The following SLC35E2B variants were observed in gnomAD, a reference collection of about 807,000 sequenced individuals.
The protein encoded by SLC35E2B is solute carrier family 35 member E2B.
In SLC35E2B, 18 loss-of-function variants were observed where a neutral mutation model predicts 32.4. That is an observed-to-expected ratio of 0.56 (90% CI 0.38 to 0.82). SLC35E2B has a LOEUF of 0.82. SLC35E2B is among the 40% of genes least tolerant of loss of function. The pLI, the probability that SLC35E2B is intolerant of heterozygous loss-of-function variation, is 0.00. For synonymous variants in SLC35E2B, 132 were observed against 209.1 expected (o/e 0.63, Z 3.18); for missense variants, 263 against 469.5 (o/e 0.56, Z 4.06).
In SLC35E2B at chr1:1,671,414, G is replaced by A. The variant is rs79690428; in HGVS notation, c.707+95C>T. On this transcript the variant is annotated intron_variant, in intron 6 of 9. Transcript: ENST00000617444. ...ATTGGACGCACCTGCTTTGGCTCAC[G>A]GGAGGAATTCTCAGCTCACCTGAGA... 2.1e-3 allele frequency: 2,625 copies of A among 1,277,344 alleles called. 56 individuals are homozygous for A. In the East Asian group the frequency reaches 0.037, roughly 18 times the overall value. 79.1% of individuals were successfully genotyped at this position (1,277,344 alleles called of 1,614,324 possible). A position where few individuals can be genotyped will look rare whatever the true frequency, so the allele number is the denominator to read the frequency against.
In SLC35E2B at chr1:1,662,686, C is replaced by A. The variant is rs1223289042; in HGVS notation, c.*3096G>T. On this transcript the variant is annotated 3_prime_UTR_variant, in exon 10 of 10. Transcript: ENST00000617444. ...GGACTCTCGGATTTTCTTTTTTAACCTTTTTATGCCTTTCAGTAGGGGAAG... is the reference window on the plus strand; with the variant it reads ...GGACTCTCGGATTTTCTTTTTTAACATTTTTATGCCTTTCAGTAGGGGAAG... The A allele has an allele frequency of 7.6e-5, 55 of 720,930 alleles. 6 individuals are homozygous for A. The highest frequency in any genetic ancestry group is 9.0e-5 in the Non-Finnish European group (53 of 585,904). The allele number at this position is 720,930 out of a possible 1,614,324, so 44.7% of individuals were successfully genotyped here. A position where few individuals can be genotyped will look rare whatever the true frequency, so the allele number is the denominator to read the frequency against.
intron 2 of SLC35E2B, among the ~76,000 whole-genome samples, chr1:1,685,288 C>T (rs750685660): frequency 4.0e-5 from 6 of 150,994 alleles, no homozygotes; most frequent in South Asian, 4.2e-4. Context: ...GGCCTGGGCA[C>T]GGTGGTGTGC....
chr1:1,670,188 T>A, intron 6 of SLC35E2B, 37 bp from the exon 7 acceptor site: 1 of 1,447,920 alleles, frequency 6.9e-7, no homozygotes, highest in Non-Finnish European at 9.5e-7. Flanking sequence ...TCAATACTAG[T>A]CCTCGGCACG....
At chr1:1,675,127 C>A (rs1052045665) in intron 5 of SLC35E2B, among the ~76,000 whole-genome samples, 7 of 150,338 alleles carry the variant, frequency 4.7e-5, no homozygotes, top group African/African-American at 1.7e-4. Flanking sequence ...CCGAAGGCGG[C>A]CCCCACCCGT....
chr1:1,690,299 C>CAA (rs201505712), intron 2 of SLC35E2B, among the ~76,000 whole-genome samples: 2 of 87,904 alleles, frequency 2.3e-5, no homozygotes, highest in Non-Finnish European at 5.2e-5. Flanking sequence ...AAAAAAGAAA[C>CAA]AAAAAAAAAT....
Position 1,675,500 on chromosome 1 carries a change from C to A in SLC35E2B, c.549G>T (p.Thr183=), listed in dbSNP as rs763820450. ...ETVKSSAPIF[T]VIMSRMILGE... ...CCAGAATCATCCGAGACATGATCAC[C>A]GTGAAGATGGGGGCGGAGCTCTTCA... The change falls in exon 5 of 10, where the codon ACG becomes ACT. Residue 183 remains threonine (T), a synonymous_variant. Transcript: ENST00000617444. 6.2e-7 allele frequency: 1 copy of A among 1,602,262 alleles called. No homozygotes were observed. The highest frequency in any genetic ancestry group is 1.1e-5 in the South Asian group (1 of 89,676).
At chr1:1,675,014 G>A (rs1235670599) in intron 5 of SLC35E2B, among the ~76,000 whole-genome samples, 1 of 151,766 alleles carries the variant, frequency 6.6e-6, no homozygotes, top group Non-Finnish European at 1.5e-5. Flanking sequence ...GTCAGGGGCT[G>A]GGGCCCAGGA....
At position 1,664,948 on chromosome 1, in the gene SLC35E2B, A is replaced by G. The variant is rs1288062387; in HGVS notation, c.*834T>C. ...CTCATACTCAGAGTCCAAAAAAGAA[A>G]AGGAACGTACACATCTCCTCCCAAG... On this transcript the variant is annotated 3_prime_UTR_variant, in exon 10 of 10. Transcript: ENST00000617444. The G allele has an allele frequency of 1.0e-6, 1 of 960,086 alleles. No individual in the cohort carries two copies. The highest frequency in any genetic ancestry group is 1.2e-6 in the Non-Finnish European group (1 of 808,016). The allele number at this position is 960,086 out of a possible 1,614,324, so 59.5% of individuals were successfully genotyped here. A position where few individuals can be genotyped will look rare whatever the true frequency, so the allele number is the denominator to read the frequency against.
intron 2 of SLC35E2B, among the ~76,000 whole-genome samples, chr1:1,680,269 C>T (rs949909172): frequency 3.3e-5 from 5 of 151,878 alleles, no homozygotes; most frequent in Non-Finnish European, 7.4e-5. Flanking sequence ...CCACTGAACT[C>T]CAGCCTGGGC....
chr1:1,668,645 GT>G lies in SLC35E2B; in HGVS notation c.835-174del, dbSNP rs76577145. 3.4e-3 allele frequency among the ~76,000 whole-genome samples: 523 copies of G among 152,038 alleles called. 4 individuals carry two copies. Among genetic ancestry groups the G allele is most frequent in the Non-Finnish European group, 6.3e-3 (425 of 67,962 alleles). On this transcript the variant is annotated intron_variant, in intron 8 of 9. Transcript: ENST00000617444. ...TGGACTGTGCACTCATCCATTTTCT[GT>G]TTTTTTTGTTTGTTTGTTTTTATTA...
chr1:1,687,012 T>C (rs1392488448), intron 2 of SLC35E2B, among the ~76,000 whole-genome samples: 1 of 152,010 alleles, frequency 6.6e-6, no homozygotes, highest in African/African-American at 2.4e-5. Flanking sequence ...GCTGAGATCG[T>C]GCCACTGCAC....
intron 4 of SLC35E2B, 147 bp from the exon 5 acceptor site, chr1:1,675,737 C>T (rs1317692878): frequency 1.1e-4 from 78 of 706,138 alleles, no homozygotes; most frequent in Non-Finnish European, 1.5e-4. Context: ...TGCCTGGACC[C>T]GCTTCTGTGA....
rs1260909056 is a variant in SLC35E2B, at chr1:1,663,903, C to T, written c.*1879G>A. On this transcript the variant is annotated 3_prime_UTR_variant, in exon 10 of 10. Transcript: ENST00000617444. Reference sequence around the variant, plus strand: ...ACACAGGTCAGCGGTTTTATAGAAGCGGCTGAAGCAGGTGTAGTAGCCCAC... The same window carrying T: ...ACACAGGTCAGCGGTTTTATAGAAGTGGCTGAAGCAGGTGTAGTAGCCCAC... 7.5e-6 allele frequency: 6 copies of T among 795,640 alleles called. No individual in the cohort carries two copies. In the African/African-American group the frequency reaches 1.1e-4, roughly 14 times the overall value. 49.3% of individuals were successfully genotyped at this position (795,640 alleles called of 1,614,324 possible).
intron 2 of SLC35E2B, among the ~76,000 whole-genome samples, chr1:1,685,514 A>T (rs968807793): frequency 2.0e-5 from 3 of 151,898 alleles, no homozygotes; most frequent in Non-Finnish European, 4.4e-5. Flanking sequence ...AGTGCAGTGC[A>T]GTGAGGTGGG....
intron 2 of SLC35E2B, among the ~76,000 whole-genome samples, chr1:1,677,707 C>G (rs76994981): frequency 1.3e-5 from 2 of 151,170 alleles, no homozygotes; most frequent in East Asian, 1.9e-4. Flanking sequence ...AGGATGGTCT[C>G]GATCTCCTGA....
In SLC35E2B at chr1:1,674,640, A is replaced by AC. The variant is rs145905284; in HGVS notation, c.586+822_586+823insG. Among the ~76,000 whole-genome samples the AC allele has an allele frequency of 1.7e-4, 26 of 151,448 alleles. No individual in the cohort carries two copies. In the South Asian group the frequency reaches 5.0e-3, roughly 29 times the overall value. ...TCAAAAACATAAAAAAAACAAAAAAAAAAAAACAAAAAAAAACCAGAGTTG... is the reference window on the plus strand; with the variant it reads ...TCAAAAACATAAAAAAAACAAAAAAACAAAAAACAAAAAAAAACCAGAGTTG... On this transcript the variant is annotated intron_variant, in intron 5 of 9. Transcript: ENST00000617444.
chr1:1,665,080 G>A lies in SLC35E2B; in HGVS notation c.*702C>T, dbSNP rs574558480. 13 of 443,648 alleles carry A rather than the reference G, an allele frequency of 2.9e-5. No individual in the cohort carries two copies. The highest frequency in any genetic ancestry group is 2.1e-5 in the African/African-American group (1 of 47,076). The allele number at this position is 443,648 out of a possible 1,614,324, so 27.5% of individuals were successfully genotyped here. A position where few individuals can be genotyped will look rare whatever the true frequency, so the allele number is the denominator to read the frequency against. On this transcript the variant is annotated 3_prime_UTR_variant, in exon 10 of 10. Transcript: ENST00000617444. ...AGCTCACGCAGCCCAGGGTGTGGAA[G>A]GGATAGGAGGGCAGGGTGTGGAAGA...
At chr1:1,688,462 T>C (rs887345826) in intron 2 of SLC35E2B, among the ~76,000 whole-genome samples, 2 of 151,646 alleles carry the variant, frequency 1.3e-5, no homozygotes, top group South Asian at 2.1e-4. Context: ...TAGCCGGGCA[T>C]GATGGCGCGT....
intron 2 of SLC35E2B, among the ~76,000 whole-genome samples, chr1:1,681,503 G>A (rs776322863): frequency 2.0e-5 from 3 of 148,990 alleles, no homozygotes; most frequent in Non-Finnish European, 4.5e-5. Context: ...CACCGCGCCC[G>A]GCCTCTTTTC....
Sources: gnomAD v4.1 joint callset for allele counts (sites outside exome capture counted in the v4.1 genomes callset) on GRCh38, gnomAD v4.1.1 for gene constraint, MANE v1.5 for transcripts, NCBI Gene and HGNC (gene_info 2026-07-23, HGNC 2026-07-21) for gene names.